The following TMOD1 variants were observed in gnomAD, a reference collection of about 807,000 sequenced individuals.
TMOD1 encodes the protein tropomodulin-1.
Under a neutral mutation model 40.6 loss-of-function variants are expected in TMOD1, and 17 were observed. The observed-to-expected ratio is 0.42, with a 90% CI of 0.29 to 0.63. The LOEUF is 0.63. TMOD1 is among the 20% of genes least tolerant of loss of function. The pLI is 0.22. For missense variants in TMOD1, 391 were observed against 447.6 expected, an observed-to-expected ratio of 0.87 and a Z score of 1.14; for synonymous variants, 181 against 175.0, an observed-to-expected ratio of 1.03 and a Z score of -0.27.
chr9:97,586,380 G>C (rs536909293), intron 8 of TMOD1, among the ~76,000 whole-genome samples: 1 of 151,568 alleles, frequency 6.6e-6, no homozygotes, highest in Non-Finnish European at 1.5e-5. Context: ...CTCCAGCTGC[G>C]TGCTGGGAGA....
chr9:97,548,075 G>T (rs766355991), intron 3 of TMOD1, among the ~76,000 whole-genome samples: 1 of 152,194 alleles, frequency 6.6e-6, no homozygotes, highest in African/African-American at 2.4e-5. Flanking sequence ...CACATAGAAG[G>T]CACCTAATAA....
At chr9:97,570,142 T>G (rs190400505) in intron 8 of TMOD1, among the ~76,000 whole-genome samples, 1 of 152,302 alleles carries the variant, frequency 6.6e-6, no homozygotes, top group East Asian at 1.9e-4. Context: ...ATGCACAGCT[T>G]AAGGAATCAT....
At chr9:97,534,710 C>T (rs558714740) in intron 2 of TMOD1, among the ~76,000 whole-genome samples, 21 of 152,356 alleles carry the variant, frequency 1.4e-4, no homozygotes, top group Admixed American at 1.2e-3. Flanking sequence ...TATATCCCAG[C>T]TGGCCCTTGA....
At chr9:97,573,259 G>A (rs1249710178) in intron 8 of TMOD1, among the ~76,000 whole-genome samples, 1 of 152,216 alleles carries the variant, frequency 6.6e-6, no homozygotes, top group Non-Finnish European at 1.5e-5. Context: ...CAGGGCACCA[G>A]GGACCCTGCT....
intron 8 of TMOD1, among the ~76,000 whole-genome samples, chr9:97,587,567 G>GTT (rs34845154): frequency 0.018 from 2,672 of 149,790 alleles, 109 homozygotes; most frequent in East Asian, 0.13. Flanking sequence ...CTAATTGTTT[G>GTT]TTTTTTTTTT....
chr9:97,561,306 G>A (rs981479594), intron 4 of TMOD1, among the ~76,000 whole-genome samples: 4 of 152,196 alleles, frequency 2.6e-5, no homozygotes, highest in Non-Finnish European at 4.4e-5. Flanking sequence ...ATCTGACCTT[G>A]CCTAGGTGAA....
chr9:97,534,956 G>A (rs566097338), intron 2 of TMOD1, among the ~76,000 whole-genome samples: 7 of 152,302 alleles, frequency 4.6e-5, no homozygotes, highest in African/African-American at 1.7e-4. Context: ...CTTGAGCAAA[G>A]GCATGGCAGT....
At chr9:97,579,673 T>G (rs549338684) in intron 8 of TMOD1, among the ~76,000 whole-genome samples, 23 of 152,352 alleles carry the variant, frequency 1.5e-4, no homozygotes, top group Non-Finnish European at 1.5e-5. Context: ...TTTAGATGTA[T>G]AGAGCAACAT....
intron 6 of TMOD1, among the ~76,000 whole-genome samples, chr9:97,564,842 T>C (rs1184366541): frequency 1.3e-5 from 2 of 149,406 alleles, no homozygotes; most frequent in Non-Finnish European, 3.0e-5. Context: ...CAGAGACCAG[T>C]GGATTAGTTC....
intron 7 of TMOD1, among the ~76,000 whole-genome samples, chr9:97,567,950 T>G (rs543276447): frequency 6.6e-6 from 1 of 152,190 alleles, no homozygotes; most frequent in African/African-American, 2.4e-5. Context: ...TTTCCCTCCA[T>G]GACGCATCGT....
intron 1 of TMOD1, among the ~76,000 whole-genome samples, chr9:97,509,651 T>C (rs1194116614): frequency 1.3e-5 from 2 of 151,926 alleles, no homozygotes; most frequent in Non-Finnish European, 2.9e-5. Flanking sequence ...CATGCCACCA[T>C]GCCCAGCTAA....
intron 1 of TMOD1, among the ~76,000 whole-genome samples, chr9:97,523,273 CAGT>C (rs1455513030): frequency 6.6e-6 from 1 of 152,146 alleles, no homozygotes; most frequent in Non-Finnish European, 1.5e-5. Flanking sequence ...GGGAAATGAA[CAGT>C]AGGCTTCTCC....
chr9:97,523,390 A>T (rs1308696183), intron 1 of TMOD1, among the ~76,000 whole-genome samples: 1 of 152,034 alleles, frequency 6.6e-6, no homozygotes. Flanking sequence ...CTGGGGGGAA[A>T]TGGGGGCTCT....
chr9:97,574,595 C>T (rs1267088568), intron 8 of TMOD1, among the ~76,000 whole-genome samples: 9 of 152,252 alleles, frequency 5.9e-5, no homozygotes, highest in Admixed American at 6.5e-5. Flanking sequence ...GCTCCACCTG[C>T]GGCCCCGGTG....
At chr9:97,588,452 A>G (rs867148214) in intron 8 of TMOD1, among the ~76,000 whole-genome samples, 18 of 152,198 alleles carry the variant, frequency 1.2e-4, no homozygotes, top group African/African-American at 4.3e-4. Flanking sequence ...GTTGAGTTCT[A>G]ATAGTTCTTT....
intron 2 of TMOD1, among the ~76,000 whole-genome samples, chr9:97,534,742 G>A: frequency 6.6e-6 from 1 of 152,234 alleles, no homozygotes; most frequent in South Asian, 2.1e-4. Flanking sequence ...TATCCTTAGG[G>A]AGAGAGATAC....
chr9:97,504,375 G>T (rs1040691589), intron 1 of TMOD1, among the ~76,000 whole-genome samples: 1 of 152,142 alleles, frequency 6.6e-6, no homozygotes, highest in African/African-American at 2.4e-5. Context: ...CTTTCTAAAA[G>T]CTTGGATGAG....
intron 1 of TMOD1, among the ~76,000 whole-genome samples, chr9:97,515,201 G>GCA: frequency 7.1e-6 from 1 of 141,388 alleles, no homozygotes; most frequent in South Asian, 2.2e-4. Context: ...AAACAAAAAT[G>GCA]AAAAAAAAAA....
chr9:97,558,336 C>A (rs1830564484), intron 4 of TMOD1, among the ~76,000 whole-genome samples: 1 of 152,168 alleles, frequency 6.6e-6, no homozygotes, highest in African/African-American at 2.4e-5. Context: ...TTAAAAGCCA[C>A]AAGAGTCTTT....
Sources: allele counts gnomAD v4.1 joint callset (sites outside exome capture counted in the v4.1 genomes callset), GRCh38; gene constraint gnomAD v4.1.1; transcripts MANE v1.5; gene names NCBI Gene and HGNC (gene_info 2026-07-23, HGNC 2026-07-21).